Variants in SPMIP2 observed in about 807,000 individuals in gnomAD.
SPMIP2 encodes the protein protein SPMIP2.
At chr4:158,930,570 C>A in the SPMIP2 span, among the ~76,000 whole-genome samples, 1 of 151,514 alleles carries the variant, frequency 6.6e-6, no homozygotes, top group Non-Finnish European at 1.5e-5. Flanking sequence ...GAGCTCACTG[C>A]AGCTTTGAAC....
the SPMIP2 span, among the ~76,000 whole-genome samples, chr4:159,023,957 A>G: frequency 4.6e-5 from 7 of 152,250 alleles, no homozygotes; most frequent in East Asian, 1.4e-3. Context: ...TTTCAGAGCT[A>G]CAGTTAGGTA....
At chr4:159,057,441 G>A in the SPMIP2 span, among the ~76,000 whole-genome samples, 1 of 152,058 alleles carries the variant, frequency 6.6e-6, no homozygotes, top group Non-Finnish European at 1.5e-5. Flanking sequence ...TTACATCAAG[G>A]ACACCTATTC....
At chr4:158,939,273 TTTAG>T in the SPMIP2 span, among the ~76,000 whole-genome samples, 1 of 152,196 alleles carries the variant, frequency 6.6e-6, no homozygotes, top group African/African-American at 2.4e-5. Flanking sequence ...TCCAACTTAT[TTTAG>T]TTACTTTGCA....
At chr4:158,958,202 G>T in the SPMIP2 span, among the ~76,000 whole-genome samples, 1 of 152,002 alleles carries the variant, frequency 6.6e-6, no homozygotes, top group South Asian at 2.1e-4. Context: ...GGGATTCTAT[G>T]TTGCCCAGGC....
At chr4:159,044,701 C>T in the SPMIP2 span, among the ~76,000 whole-genome samples, 1 of 152,078 alleles carries the variant, frequency 6.6e-6, no homozygotes, top group South Asian at 2.1e-4. Flanking sequence ...GAGGAAAAGC[C>T]TAATTTTAAT....
chr4:159,031,269 C>G, the SPMIP2 span, among the ~76,000 whole-genome samples: 1 of 152,172 alleles, frequency 6.6e-6, no homozygotes, highest in African/African-American at 2.4e-5. Context: ...GCAGTACCAT[C>G]TAAGACATAA....
chr4:158,988,016 G>A, the SPMIP2 span, among the ~76,000 whole-genome samples: 1 of 152,064 alleles, frequency 6.6e-6, no homozygotes, highest in East Asian at 1.9e-4. Flanking sequence ...AAGAAGAAAG[G>A]AGAGAATATT....
chr4:159,078,285 C>T, the SPMIP2 span, among the ~76,000 whole-genome samples: 4 of 152,148 alleles, frequency 2.6e-5, no homozygotes, highest in African/African-American at 7.2e-5. Context: ...CTTTGTAGTA[C>T]ATCTCCAATA....
the SPMIP2 span, chr4:158,960,322 G>C: frequency 1.3e-6 from 2 of 1,571,038 alleles, no homozygotes; most frequent in Non-Finnish European, 8.7e-7. Context: ...TGAATCAAGA[G>C]AAGCTTGACT....
At chr4:158,919,781 A>C in the SPMIP2 span, among the ~76,000 whole-genome samples, 1 of 152,190 alleles carries the variant, frequency 6.6e-6, no homozygotes, top group Non-Finnish European at 1.5e-5. Flanking sequence ...TTGATGCTCA[A>C]GTTATCCCAG....
At chr4:158,994,896 A>G in the SPMIP2 span, among the ~76,000 whole-genome samples, 45 of 152,338 alleles carry the variant, frequency 3.0e-4, no homozygotes, top group African/African-American at 1.0e-3. Context: ...GAATGAACTC[A>G]TGGCCCGGAA....
the SPMIP2 span, among the ~76,000 whole-genome samples, chr4:158,928,393 C>A: frequency 6.7e-6 from 1 of 148,880 alleles, no homozygotes; most frequent in Non-Finnish European, 1.5e-5. Flanking sequence ...CAATCAGCAC[C>A]CTGTGTCTAG....
the SPMIP2 span, among the ~76,000 whole-genome samples, chr4:158,945,907 G>C: frequency 2.0e-5 from 3 of 152,008 alleles, no homozygotes; most frequent in Admixed American, 2.0e-4. Context: ...TAGCTCATCT[G>C]TTTACTTGTA....
At chr4:159,054,412 C>G in the SPMIP2 span, among the ~76,000 whole-genome samples, 1 of 152,118 alleles carries the variant, frequency 6.6e-6, no homozygotes, top group African/African-American at 2.4e-5. Flanking sequence ...AAATGTAGCC[C>G]TAACTCCTAG....
the SPMIP2 span, among the ~76,000 whole-genome samples, chr4:158,930,276 A>G: frequency 6.6e-6 from 1 of 150,930 alleles, no homozygotes; most frequent in Non-Finnish European, 1.5e-5. Flanking sequence ...CAGTGGTACA[A>G]TCACAGCTCA....
At chr4:159,006,908 G>A in the SPMIP2 span, among the ~76,000 whole-genome samples, 3 of 152,180 alleles carry the variant, frequency 2.0e-5, no homozygotes, top group East Asian at 1.9e-4. Flanking sequence ...GAGAGGCAAA[G>A]CTCAAAAGAG....
chr4:159,067,939 T>C, the SPMIP2 span, among the ~76,000 whole-genome samples: 4 of 152,032 alleles, frequency 2.6e-5, no homozygotes, highest in African/African-American at 9.7e-5. Context: ...ATCAGAGAAA[T>C]GCAAATCAAA....
At chr4:159,055,252 G>A in the SPMIP2 span, among the ~76,000 whole-genome samples, 1 of 151,934 alleles carries the variant, frequency 6.6e-6, no homozygotes, top group Non-Finnish European at 1.5e-5. Flanking sequence ...AGAGACATAG[G>A]GTGCTCTATA....
chr4:158,950,510 TGCAAGG>T, the SPMIP2 span, among the ~76,000 whole-genome samples: 1 of 152,092 alleles, frequency 6.6e-6, no homozygotes, highest in African/African-American at 2.4e-5. Context: ...CCATGTTCAA[TGCAAGG>T]GAAAGGGAAA....
Sources: allele counts gnomAD v4.1 joint callset (sites outside exome capture counted in the v4.1 genomes callset), GRCh38; gene constraint gnomAD v4.1.1; transcripts MANE v1.5; gene names NCBI Gene and HGNC (gene_info 2026-07-23, HGNC 2026-07-21).